LYPD6B: variants seen among roughly 807,000 people sequenced by gnomAD.
The protein encoded by LYPD6B is ly6/PLAUR domain-containing protein 6B.
A neutral mutation model predicts 22.8 loss-of-function variants in LYPD6B; 17 were observed. The ratio of observed to expected loss-of-function variants is 0.75; its 90% confidence interval spans 0.51 to 1.12. LYPD6B has a LOEUF of 1.12. LYPD6B is among the 50% of genes most tolerant of loss of function. The pLI, the probability that LYPD6B is intolerant of heterozygous loss-of-function variation, is 0.00. For synonymous variants in LYPD6B, 106 were observed against 91.6 expected (o/e 1.16, Z -0.90); for missense variants, 221 against 258.3 (o/e 0.86, Z 0.99).
intron 6 of LYPD6B, among the ~76,000 whole-genome samples, chr2:149,213,767 T>C (rs1340617829): frequency 6.6e-6 from 1 of 152,208 alleles, no homozygotes; most frequent in Non-Finnish European, 1.5e-5. Flanking sequence ...TGTTGAGGGA[T>C]GCAGGCCGGC....
chr2:149,066,788 C>G (rs1403554607), intron 1 of LYPD6B, among the ~76,000 whole-genome samples: 2 of 151,882 alleles, frequency 1.3e-5, no homozygotes, highest in African/African-American at 4.8e-5. Flanking sequence ...CTCATTTGCT[C>G]TCATCCTCTA....
intron 1 of LYPD6B, among the ~76,000 whole-genome samples, chr2:149,093,490 C>T (rs1029406026): frequency 1.3e-5 from 2 of 152,172 alleles, no homozygotes; most frequent in African/African-American, 2.4e-5. Flanking sequence ...CTGAGACAAT[C>T]CATGGTGGTT....
chr2:149,175,218 A>T (rs536825726), intron 3 of LYPD6B, among the ~76,000 whole-genome samples: 1 of 152,252 alleles, frequency 6.6e-6, no homozygotes, highest in Non-Finnish European at 1.5e-5. Flanking sequence ...CCCATGCTAT[A>T]TGTTATAGCC....
chr2:149,113,497 T>C (rs1050883184), intron 1 of LYPD6B, among the ~76,000 whole-genome samples: 2 of 152,282 alleles, frequency 1.3e-5, no homozygotes, highest in South Asian at 2.1e-4. Flanking sequence ...CTGCAAAGTT[T>C]TCTGTCCTGG....
chr2:149,112,751 C>A (rs1686819407), intron 1 of LYPD6B, among the ~76,000 whole-genome samples: 1 of 152,054 alleles, frequency 6.6e-6, no homozygotes, highest in Non-Finnish European at 1.5e-5. Context: ...TTAAAAGGGA[C>A]AAAAATATTC....
At chr2:149,178,443 A>T (rs1691476081) in intron 3 of LYPD6B, among the ~76,000 whole-genome samples, 1 of 151,868 alleles carries the variant, frequency 6.6e-6, no homozygotes, top group Non-Finnish European at 1.5e-5. Context: ...ACCCCCGTGA[A>T]ACTGAACAGT....
intron 1 of LYPD6B, among the ~76,000 whole-genome samples, chr2:149,044,305 A>G (rs139232676): frequency 1.5e-3 from 226 of 152,180 alleles, no homozygotes; most frequent in Non-Finnish European, 2.4e-3. Context: ...TTCTTCCATC[A>G]GCACTCTGTA....
chr2:149,214,766 G>A lies in LYPD6B; in HGVS notation c.*56G>A, dbSNP rs1259682190. ...GCCTCTAAAGCACAAGCCAAAAACTGTGTGAACGGTGAACTTTGGAGTGAA... is the reference window on the plus strand; with the variant it reads ...GCCTCTAAAGCACAAGCCAAAAACTATGTGAACGGTGAACTTTGGAGTGAA... On this transcript the variant is annotated 3_prime_UTR_variant, in exon 7 of 7. Transcript: ENST00000409642. 1.3e-6 allele frequency: 2 copies of A among 1,561,786 alleles called. No homozygotes were observed. Among genetic ancestry groups the A allele is most frequent in the Non-Finnish European group, 1.8e-6 (2 of 1,134,148 alleles).
At chr2:149,182,174 G>A (rs142051394) in intron 3 of LYPD6B, among the ~76,000 whole-genome samples, 4 of 152,268 alleles carry the variant, frequency 2.6e-5, no homozygotes, top group Admixed American at 2.6e-4. Flanking sequence ...TTATTTAATA[G>A]TAAGGTATGT....
intron 1 of LYPD6B, among the ~76,000 whole-genome samples, chr2:149,097,436 G>A (rs1431160788): frequency 1.3e-5 from 2 of 152,178 alleles, no homozygotes; most frequent in Non-Finnish European, 2.9e-5. Context: ...AATTAAACCC[G>A]AATTACAGTA....
In LYPD6B at chr2:149,157,711, C is replaced by T. The variant is rs144388851; in HGVS notation, c.6-3053C>T. Among the ~76,000 whole-genome samples the T allele has an allele frequency of 6.4e-3, 974 of 152,312 alleles. 11 individuals are homozygous for T. Among genetic ancestry groups the T allele is most frequent in the African/African-American group, 0.023 (945 of 41,554 alleles). The stretch of plus-strand genomic sequence containing the variant: ...TGAAGGTGAAGACCAGCAGTGGAGC[C>T]TCTCCCCTTTTCTTTCAACTATTAG... On this transcript the variant is annotated intron_variant, in intron 2 of 6. Coordinates refer to ENST00000409642, the MANE Select transcript of LYPD6B (RefSeq NM_177964.5).
chr2:149,097,464 T>A (rs1418308996), intron 1 of LYPD6B, among the ~76,000 whole-genome samples: 1 of 152,134 alleles, frequency 6.6e-6, no homozygotes, highest in African/African-American at 2.4e-5. Context: ...ACTAAAAAAT[T>A]ATTTATTGTT....
chr2:149,072,662 C>T (rs34365139), intron 1 of LYPD6B, among the ~76,000 whole-genome samples: 15 of 151,620 alleles, frequency 9.9e-5, no homozygotes, highest in Admixed American at 5.9e-4. Context: ...TCAGCCTCCC[C>T]GGTAGCTGGG....
At chr2:149,188,667 C>T (rs1692283354) in intron 3 of LYPD6B, 1 of 974,848 alleles carries the variant, frequency 1.0e-6, no homozygotes, top group African/African-American at 1.8e-5. Flanking sequence ...GCTAATTAGT[C>T]TAAGGAAAAT....
chr2:149,192,845 C>A (rs1692581647), intron 3 of LYPD6B, among the ~76,000 whole-genome samples: 1 of 151,992 alleles, frequency 6.6e-6, no homozygotes, highest in Admixed American at 6.6e-5. Flanking sequence ...GTGGGCTTTG[C>A]AAACTGAAGA....
intron 1 of LYPD6B, among the ~76,000 whole-genome samples, chr2:149,115,366 G>T (rs564312316): frequency 6.6e-6 from 1 of 152,160 alleles, no homozygotes; most frequent in African/African-American, 2.4e-5. Context: ...TGTTTTCATG[G>T]TCAAATGGAT....
intron 2 of LYPD6B, chr2:149,153,969 G>A: frequency 2.6e-6 from 1 of 391,368 alleles, no homozygotes; most frequent in Non-Finnish European, 3.5e-6. Context: ...CAAGGTGAGA[G>A]CCCTTGAAGA....
chr2:149,096,225 G>C (rs576541278), intron 1 of LYPD6B, among the ~76,000 whole-genome samples: 2 of 152,096 alleles, frequency 1.3e-5, no homozygotes, highest in African/African-American at 2.4e-5. Context: ...AAAAGAGAGA[G>C]AGACACACAC....
rs757482198 is a variant in LYPD6B at position 149,087,963 on chromosome 2, ATC to A, written c.-66-42914_-66-42913del. Among the ~76,000 whole-genome samples, 27 of 152,212 alleles carry A rather than the reference ATC, an allele frequency of 1.8e-4. No individual in the cohort carries two copies. In the East Asian group the frequency reaches 4.2e-3, roughly 24 times the overall value. The stretch of plus-strand genomic sequence containing the variant: ...CACTAGGGGGTAACGCTCATCTCAC[ATC>A]TCTCTTTGCAGGTAAAGAATTTAGT... On this transcript the variant is annotated intron_variant, in intron 1 of 6. Coordinates refer to ENST00000409642, the MANE Select transcript of LYPD6B (RefSeq NM_177964.5).
Sources: allele counts gnomAD v4.1 joint callset (sites outside exome capture counted in the v4.1 genomes callset), GRCh38; gene constraint gnomAD v4.1.1; transcripts MANE v1.5; gene names NCBI Gene and HGNC (gene_info 2026-07-23, HGNC 2026-07-21).